RANBP17: variants seen among roughly 807,000 people sequenced by gnomAD.
RANBP17 encodes ran-binding protein 17.
RANBP17 carries 158 observed loss-of-function variants against 141.2 expected under a neutral mutation model. The ratio of observed to expected loss-of-function variants is 1.12; its 90% CI spans 0.98 to 1.28. The LOEUF (loss-of-function observed/expected upper bound fraction) is 1.28. RANBP17 is among the 50% of genes most tolerant of loss of function. RANBP17 has a pLI of 0.00. For synonymous variants in RANBP17, 430 were observed against 450.0 expected, an observed-to-expected ratio of 0.96 and a Z score of 0.56; for missense variants, 1,438 against 1,290.7, an observed-to-expected ratio of 1.11 and a Z score of -1.75.
chr5:170,930,575 G>T (rs1225277382), intron 12 of RANBP17, among the ~76,000 whole-genome samples: 1 of 151,476 alleles, frequency 6.6e-6, no homozygotes, highest in Non-Finnish European at 1.5e-5. Context: ...CCCACTCCCC[G>T]GCAGGCCCTG....
At chr5:171,297,569 C>G (rs1768894861) in intron 27 of RANBP17, among the ~76,000 whole-genome samples, 1 of 151,832 alleles carries the variant, frequency 6.6e-6, no homozygotes, top group Non-Finnish European at 1.5e-5. Context: ...CTTGACTGCT[C>G]ACTTCAAGAT....
rs542506298 is a variant in RANBP17 at position 171,019,284 on chromosome 5, G to A, written c.1710+50907G>A. On this transcript the variant is annotated intron_variant, in intron 14 of 27. Transcript: ENST00000523189. ...GTGCTGGCTGTATAAAATAAGTTAG[G>A]AAGGAGTCCCTCCTTTTCAATTGTT... is the stretch of plus-strand genomic sequence containing the variant. 9.2e-5 allele frequency among the ~76,000 whole-genome samples: 14 copies of A among 152,316 alleles called. No homozygotes were observed. The East Asian group carries it at 1.7e-3, about 19-fold the overall frequency.
intron 14 of RANBP17, among the ~76,000 whole-genome samples, chr5:171,009,418 G>A (rs1001487180): frequency 6.6e-6 from 1 of 152,142 alleles, no homozygotes; most frequent in African/African-American, 2.4e-5. Context: ...TAAAATGAAA[G>A]GATTGAATTG....
intron 3 of RANBP17, among the ~76,000 whole-genome samples, chr5:170,891,572 G>A (rs1769607832): frequency 6.6e-6 from 1 of 152,190 alleles, no homozygotes; most frequent in Non-Finnish European, 1.5e-5. Context: ...TCTGCAGGCT[G>A]TACGGTTAGC....
intron 18 of RANBP17, among the ~76,000 whole-genome samples, chr5:171,187,874 C>T (rs1761378938): frequency 6.6e-6 from 1 of 152,080 alleles, no homozygotes; most frequent in Admixed American, 6.5e-5. Flanking sequence ...TAGACAATAC[C>T]AATAATACTT....
chr5:170,957,148 G>C (rs1328924754), intron 13 of RANBP17, among the ~76,000 whole-genome samples: 1 of 151,154 alleles, frequency 6.6e-6, no homozygotes, highest in Non-Finnish European at 1.5e-5. Context: ...CGTATATTAG[G>C]AAATAAAGTA....
intron 14 of RANBP17, among the ~76,000 whole-genome samples, chr5:171,011,974 G>A (rs969351047): frequency 1.5e-4 from 23 of 151,276 alleles, no homozygotes; most frequent in Admixed American, 9.9e-4. Context: ...GTAGAAAGTC[G>A]TACTATTTGA....
intron 20 of RANBP17, chr5:171,207,677 T>C (rs1195896988): frequency 6.6e-6 from 1 of 152,098 alleles, no homozygotes; most frequent in African/African-American, 2.4e-5. Flanking sequence ...ATAATTGAGT[T>C]TCAGTAGCAA....
Position 171,165,443 on chromosome 5 carries a change from G to C in RANBP17, c.1711-4687G>C, listed in dbSNP as rs376188421. 1.3e-3 allele frequency among the ~76,000 whole-genome samples: 194 copies of C among 152,292 alleles called. 9 individuals are homozygous for C. The South Asian group carries it at 0.039, about 30-fold the overall frequency. On this transcript the variant is annotated intron_variant, in intron 14 of 27. Coordinates refer to ENST00000523189, the MANE Select transcript of RANBP17 (RefSeq NM_022897.5). ...TCCTCCCACCTCGGCCTCCCAAAGTGCTGGGATTATAGGCATGAGCCACCG... is the reference window on the plus strand; with the variant it reads ...TCCTCCCACCTCGGCCTCCCAAAGTCCTGGGATTATAGGCATGAGCCACCG...
intron 1 of RANBP17, among the ~76,000 whole-genome samples, chr5:170,871,508 A>G (rs767862170): frequency 2.6e-5 from 4 of 152,206 alleles, no homozygotes; most frequent in Admixed American, 6.5e-5. Context: ...TTATTTTGCT[A>G]TGTAGAAGCT....
At chr5:171,023,646 T>A (rs1316456550) in intron 14 of RANBP17, among the ~76,000 whole-genome samples, 1 of 152,236 alleles carries the variant, frequency 6.6e-6, no homozygotes. Flanking sequence ...GCATTTTGTT[T>A]TTCTTTCAGC....
rs1437947997 is a variant in RANBP17, at chr5:170,862,478, C to T, written c.18+427C>T. 2.0e-5 allele frequency among the ~76,000 whole-genome samples: 3 copies of T among 152,190 alleles called. No homozygotes were observed. The South Asian group carries it at 6.2e-4, about 32-fold the overall frequency. ...TCCCGCCTTCCCGCCGCGTCGCCGG[C>T]GCGGCTCTATCGTCAGCCTCCCTCC... On this transcript the variant is annotated intron_variant, in intron 1 of 27. Coordinates refer to ENST00000523189, the MANE Select transcript of RANBP17 (RefSeq NM_022897.5).
At chr5:171,005,821 G>A (rs1308885468) in intron 14 of RANBP17, among the ~76,000 whole-genome samples, 1 of 152,128 alleles carries the variant, frequency 6.6e-6, no homozygotes, top group Non-Finnish European at 1.5e-5. Flanking sequence ...TACAGAATGG[G>A]GGAAAATTTT....
chr5:171,074,100 A>G lies in RANBP17; in HGVS notation c.1711-96030A>G, dbSNP rs374652957. Among the ~76,000 whole-genome samples the G allele has an allele frequency of 2.2e-4, 34 of 152,286 alleles. No homozygotes were observed. In the East Asian group the frequency reaches 3.3e-3, roughly 15 times the overall value. Reference sequence around the variant, plus strand: ...AGGACAATATGGAAAAGAAAAAAGGAATAACTTTATAGTTAGGAAATCAGT... The same window carrying G: ...AGGACAATATGGAAAAGAAAAAAGGGATAACTTTATAGTTAGGAAATCAGT... On this transcript the variant is annotated intron_variant, in intron 14 of 27. Transcript: ENST00000523189.
intron 14 of RANBP17, among the ~76,000 whole-genome samples, chr5:171,095,307 A>G (rs968695130): frequency 3.9e-5 from 6 of 152,156 alleles, no homozygotes; most frequent in Non-Finnish European, 7.4e-5. Flanking sequence ...TTTACTCTCT[A>G]TCCTTTGATG....
chr5:170,872,545 T>C (rs1441638682), intron 1 of RANBP17, among the ~76,000 whole-genome samples: 1 of 152,196 alleles, frequency 6.6e-6, no homozygotes, highest in Non-Finnish European at 1.5e-5. Flanking sequence ...TCCCATACTG[T>C]GTTGAATAAG....
intron 14 of RANBP17, among the ~76,000 whole-genome samples, chr5:171,000,868 A>G (rs113896406): frequency 6.6e-6 from 1 of 152,186 alleles, no homozygotes; most frequent in Non-Finnish European, 1.5e-5. Flanking sequence ...GGAAGATTAC[A>G]AAGTACATTC....
chr5:170,952,130 C>T (rs1301395683), intron 12 of RANBP17, among the ~76,000 whole-genome samples: 2 of 152,108 alleles, frequency 1.3e-5, no homozygotes, highest in East Asian at 3.9e-4. Flanking sequence ...ACAGAGAAAG[C>T]AGGGTCATCA....
At chr5:171,214,686 T>G (rs577753879) in intron 21 of RANBP17, among the ~76,000 whole-genome samples, 172 of 152,318 alleles carry the variant, frequency 1.1e-3, no homozygotes, top group African/African-American at 3.8e-3. Flanking sequence ...CTTTTCATTT[T>G]TAAAAGCCAC....
Sources: allele counts gnomAD v4.1 joint callset (sites outside exome capture counted in the v4.1 genomes callset), GRCh38; gene constraint gnomAD v4.1.1; transcripts MANE v1.5; gene names NCBI Gene and HGNC (gene_info 2026-07-23, HGNC 2026-07-21).